The following SHC1 variants were observed in gnomAD, a reference collection of about 807,000 sequenced individuals.
The protein encoded by SHC1 is SHC-transforming protein 1.
SHC1 carries 30 observed loss-of-function variants against 55.9 expected under a neutral mutation model. The ratio of observed to expected loss-of-function variants is 0.54; its 90% confidence interval spans 0.40 to 0.73. SHC1 has a LOEUF of 0.73. SHC1 is among the 30% of genes least tolerant of loss of function. The pLI, the probability that SHC1 is intolerant of heterozygous loss-of-function variation, is 0.00. For missense variants in SHC1, 675 were observed against 777.1 expected, an observed-to-expected ratio of 0.87 and a Z score of 1.56; for synonymous variants, 309 against 306.1, an observed-to-expected ratio of 1.01 and a Z score of -0.10.
Position 154,968,036 on chromosome 1 carries a change from G to T in SHC1, c.805-5C>A. 1 of 1,614,140 alleles carries T rather than the reference G, an allele frequency of 6.2e-7. No individual in the cohort carries two copies. The highest frequency in any genetic ancestry group is 1.3e-5 in the African/African-American group (1 of 75,024). ...GGCGACATACTCGGCTGTGTCCTGG[G>T]GAGGAAGGTCAAAAAATTTTACAGT... On this transcript the variant is annotated splice_region_variant and splice_polypyrimidine_tract_variant and intron_variant, in intron 5 of 11. Coordinates refer to ENST00000448116, the MANE Select transcript of SHC1 (RefSeq NM_001130040.2).
chr1:154,965,646 T>C lies in SHC1; in HGVS notation c.1523A>G (p.Asp508Gly). 6.2e-7 allele frequency: 1 copy of C among 1,613,946 alleles called. No individual in the cohort carries two copies. The highest frequency in any genetic ancestry group is 8.5e-7 in the Non-Finnish European group (1 of 1,180,002). The change falls in exon 11 of 12, where the codon GAC becomes GGC. Residue 508 changes from aspartate (D) to glycine (G), a missense_variant. Asp to Gly is a moderately conservative substitution (Grantham distance 94). Around this residue, in one of 3 missense-constraint regions of SHC1, gnomAD observed 360 missense variants for 371.1 expected, o/e 0.97. Transcript: ENST00000448116. ...GGTCGTGCTCTCCCGTACCAGGAAG[T>C]CCCCATTGAGCTGCAGCAGTGCCTC... ...EAEALLQLNG[D>G]FLVRESTTTP... is the part of the protein sequence containing the mutation.
chr1:154,969,875 T>C (rs533058114), intron 1 of SHC1, among the ~76,000 whole-genome samples, 157 bp downstream of exon 1: 1 of 149,034 alleles, frequency 6.7e-6, no homozygotes, highest in African/African-American at 2.5e-5. Context: ...GGGAAGGGGC[T>C]ACAGAATCGG....
chr1:154,969,640 C>A (rs1406548461), intron 1 of SHC1, among the ~76,000 whole-genome samples, 192 bp from the exon 2 acceptor site: 1 of 152,140 alleles, frequency 6.6e-6, no homozygotes, highest in Non-Finnish European at 1.5e-5. Flanking sequence ...AAAAGGCAGG[C>A]TAGAAGGACC....
rs1009992453 is a variant in SHC1, at chr1:154,963,246, G to A, written c.*557C>T. 6.5e-6 allele frequency: 1 copy of A among 153,608 alleles called. No individual in the cohort carries two copies. The highest frequency in any genetic ancestry group is 2.4e-5 in the African/African-American group (1 of 41,554). The allele number at this position is 153,608 out of a possible 1,614,324, so 9.5% of individuals were successfully genotyped here. A position where few individuals can be genotyped will look rare whatever the true frequency, so the allele number is the denominator to read the frequency against. ...GCCTCTGTTATCCCAACCCAAACCG[G>A]AGAGGGTGCTCAGCAAGAACACAGG... is the stretch of plus-strand genomic sequence containing the variant. On this transcript the variant is annotated 3_prime_UTR_variant, in exon 12 of 12. Coordinates refer to ENST00000448116, the MANE Select transcript of SHC1 (RefSeq NM_001130040.2).
upstream of SHC1, chr1:154,970,757 G>T: frequency 2.1e-6 from 1 of 468,074 alleles, no homozygotes; most frequent in Non-Finnish European, 3.8e-6. This position sits in a 1 kb window ranked among gnomAD's most constrained non-coding sequence, Gnocchi z 5.5. Context: ...TGGCTGAGAA[G>T]AGAACAGGCT....
chr1:154,965,339 G>T (rs1483709502), intron 11 of SHC1: 1 of 1,527,012 alleles, frequency 6.5e-7, no homozygotes, highest in Admixed American at 1.9e-5. Flanking sequence ...GCCTGGCCCT[G>T]TGCCAGGACT....
intron 11 of SHC1, 122 bp downstream of exon 11, chr1:154,965,421 G>A: frequency 6.2e-7 from 1 of 1,612,078 alleles, no homozygotes; most frequent in Non-Finnish European, 8.5e-7. Flanking sequence ...GAGCAAGAGA[G>A]GCCCATAGAC....
At chr1:154,967,174 G>C (rs1033537660) in intron 7 of SHC1, among the ~76,000 whole-genome samples, 7 of 151,876 alleles carry the variant, frequency 4.6e-5, no homozygotes, top group South Asian at 2.1e-4. Flanking sequence ...CACCATGTAG[G>C]GGGGTGGGGG....
rs1327118814 is a variant in SHC1, at chr1:154,969,468, G to A, written c.496-20C>T. On this transcript the variant is annotated intron_variant, in intron 1 of 11. Transcript: ENST00000448116. ...CATGTACTAAGGGGAGGGAGAAGAG[G>A]ACAGCAGGTCAGCGGCTCCCCCACC... 2 of 1,583,406 alleles carry A rather than the reference G, an allele frequency of 1.3e-6. No homozygotes were observed. The highest frequency in any genetic ancestry group is 1.7e-6 in the Non-Finnish European group (2 of 1,154,108).
chr1:154,964,255 G>T (rs774117826), intron 11 of SHC1: 1 of 485,164 alleles, frequency 2.1e-6, no homozygotes, highest in Non-Finnish European at 4.2e-6. Context: ...AGATGTGGAG[G>T]CTGGGCATGG....
chr1:154,966,135 C>A, intron 9 of SHC1, 27 bp downstream of exon 9: 1 of 1,614,140 alleles, frequency 6.2e-7, no homozygotes, highest in Non-Finnish European at 8.5e-7. Context: ...CACTCCCCAG[C>A]TCTGCCTATC....
intron 7 of SHC1, among the ~76,000 whole-genome samples, 158 bp from the exon 8 acceptor site, chr1:154,966,675 C>T (rs1206032555): frequency 6.6e-6 from 1 of 152,164 alleles, no homozygotes; most frequent in East Asian, 1.9e-4. Flanking sequence ...CCTGGCAACC[C>T]CGTAAGGTAG....
At chr1:154,972,974 C>T (rs1026886349), upstream of SHC1, among the ~76,000 whole-genome samples, 1 of 152,096 alleles carries the variant, frequency 6.6e-6, no homozygotes, top group Non-Finnish European at 1.5e-5. Context: ...TCCAAACTAC[C>T]GTTCTTCTGG....
chr1:154,964,318 T>A (rs1655660542), intron 11 of SHC1: 1 of 468,392 alleles, frequency 2.1e-6, no homozygotes, highest in Non-Finnish European at 4.4e-6. Context: ...GGCGGATCAC[T>A]TGAGCCCGGG....
chr1:154,968,636 CAGA>C (rs777949625), intron 3 of SHC1, 22 bp from the exon 4 acceptor site: 1 of 1,613,988 alleles, frequency 6.2e-7, no homozygotes, highest in East Asian at 2.2e-5. Flanking sequence ...CCCAGGGTCT[CAGA>C]AGGTGAGGGT....
At chr1:154,966,614 T>C (rs1656019884) in intron 7 of SHC1, 97 bp from the exon 8 acceptor site, 1 of 823,342 alleles carries the variant, frequency 1.2e-6, no homozygotes, top group African/African-American at 1.7e-5. Flanking sequence ...GGGTATTTAC[T>C]ATGGATTAAG....
At position 154,969,542 on chromosome 1, in the gene SHC1, G is replaced by A. The variant is rs1656469479; in HGVS notation, c.496-94C>T. 2.1e-5 allele frequency: 17 copies of A among 791,668 alleles called. 1 individual carries two copies. The Admixed American group carries it at 3.7e-4, about 17-fold the overall frequency. 49.0% of individuals were successfully genotyped at this position (791,668 alleles called of 1,614,324 possible). On this transcript the variant is annotated intron_variant, in intron 1 of 11. Coordinates refer to ENST00000448116, the MANE Select transcript of SHC1 (RefSeq NM_001130040.2). ...AGGACTTTACCCATATGGTCCCTAA[G>A]GGAAGTAAAGAGGAAGAAGTTCTGC...
chr1:154,964,385 AC>A (rs1413163395), intron 11 of SHC1: 4 of 409,320 alleles, frequency 9.8e-6, no homozygotes, highest in African/African-American at 8.4e-5. Flanking sequence ...AAAAAAAAAT[AC>A]AAAAATTAGC....
rs1204263289 is a variant in SHC1 at position 154,963,844 on chromosome 1, T to C, written c.1714A>G (p.Ser572Gly). ...ACAGGTTGCTGTAGACACAGTTCGC[T>C]GCCCGCAGAGATGATGGGCAAGTGA... Reference protein sequence around the residue: ...DNHLPIISAGSELCLQQPVER... With the variant: ...DNHLPIISAGGELCLQQPVER... The change falls in exon 12 of 12, where the codon AGC (serine) becomes GGC (glycine). Residue 572 changes from serine to glycine, a missense_variant. By Grantham distance (56) the Ser-to-Gly change is moderately conservative. This residue lies in a region of SHC1 where 360 missense variants were observed against 371.1 expected (regional missense o/e 0.97). Transcript: ENST00000448116. The C allele has an allele frequency of 6.2e-7, 1 of 1,614,178 alleles. No individual in the cohort carries two copies. The highest frequency in any genetic ancestry group is 8.5e-7 in the Non-Finnish European group (1 of 1,180,018).
Sources: allele counts gnomAD v4.1 joint callset (sites outside exome capture counted in the v4.1 genomes callset), GRCh38; gene constraint gnomAD v4.1.1; regional missense constraint gnomAD v4.1.1; non-coding constraint Gnocchi (gnomAD v3.1); transcripts MANE v1.5; gene names NCBI Gene and HGNC (gene_info 2026-07-23, HGNC 2026-07-21).